Variants in PCIF1 observed in about 807,000 individuals in gnomAD.
PCIF1 encodes the protein phosphorylated CTD interacting factor 1.
A neutral mutation model predicts 86.9 loss-of-function variants in PCIF1; 12 were observed. That is an observed-to-expected ratio of 0.14 (90% confidence interval 0.09 to 0.22). The LOEUF (loss-of-function observed/expected upper bound fraction) is 0.22. PCIF1 is among the 10% of genes least tolerant of loss of function. The pLI, the probability that PCIF1 is intolerant of heterozygous loss-of-function variation, is 1.00. For missense variants in PCIF1, 701 were observed against 951.1 expected, an observed-to-expected ratio of 0.74 and a Z score of 3.46; for synonymous variants, 397 against 372.0, an observed-to-expected ratio of 1.07 and a Z score of -0.77.
intron 10 of PCIF1, among the ~76,000 whole-genome samples, chr20:45,944,359 C>G (rs2083502390): frequency 6.6e-6 from 1 of 152,214 alleles, no homozygotes; most frequent in Non-Finnish European, 1.5e-5. Flanking sequence ...CATTCTCACT[C>G]TTCAGTTTTA....
At chr20:45,939,885 C>G (rs1046698903) in intron 4 of PCIF1, among the ~76,000 whole-genome samples, 15 of 152,304 alleles carry the variant, frequency 9.8e-5, no homozygotes, top group African/African-American at 3.6e-4. Flanking sequence ...GGCAGCATTT[C>G]TTTACTGGGC....
Position 45,943,646 on chromosome 20 carries a change from G to A in PCIF1, c.906-20G>A. The A allele has an allele frequency of 6.4e-7, 1 of 1,551,378 alleles. No homozygotes were observed. Among genetic ancestry groups the A allele is most frequent in the East Asian group, 2.4e-5 (1 of 41,410 alleles). On this transcript the variant is annotated intron_variant, in intron 9 of 16. Transcript: ENST00000372409. The surrounding 1 kb of genome is among the most constrained non-coding windows in gnomAD (Gnocchi z 5.5). ...TGGAGCCAAGCCATTCCTTTCTTCT[G>A]CCCTCCCCTTGACTGGCAGGAGTGC...
chr20:45,944,684 C>T (rs1191621743), intron 10 of PCIF1, among the ~76,000 whole-genome samples, 184 bp from the exon 11 acceptor site: 2 of 152,232 alleles, frequency 1.3e-5, no homozygotes, highest in African/African-American at 2.4e-5. Flanking sequence ...TCTCGTGTCC[C>T]CTTGACACTT....
rs1183524109 is a variant in PCIF1 at position 45,943,050 on chromosome 20, G to A, written c.674-47G>A. On this transcript the variant is annotated intron_variant, in intron 7 of 16. Coordinates refer to ENST00000372409, the MANE Select transcript of PCIF1 (RefSeq NM_022104.4). This position sits in a 1 kb window ranked among gnomAD's most constrained non-coding sequence, Gnocchi z 5.5. ...CCTATACGTGCCAAGCTCCAAGTGG[G>A]ACTGCTTGATTAAATCCAGGCCTTC... 1 of 1,589,266 alleles carries A rather than the reference G, an allele frequency of 6.3e-7. No homozygotes were observed. Among genetic ancestry groups the A allele is most frequent in the African/African-American group, 1.3e-5 (1 of 74,558 alleles).
intron 2 of PCIF1, among the ~76,000 whole-genome samples, chr20:45,938,436 G>A (rs912621839): frequency 6.6e-6 from 1 of 152,154 alleles, no homozygotes; most frequent in Admixed American, 6.5e-5. Context: ...TGTAGGAATC[G>A]CTTCTCAAGG....
In PCIF1 at chr20:45,934,768, A is replaced by C. The variant is rs576532506; in HGVS notation, c.-224A>C. On this transcript the variant is annotated 5_prime_UTR_variant, in exon 1 of 17. Coordinates refer to ENST00000372409, the MANE Select transcript of PCIF1 (RefSeq NM_022104.4). ...GCGGCAAAACGGGCGGTCGAGCAGA[A>C]CGTGTAGCCGCGTCCCCTCCAGTCC... The C allele has an allele frequency of 5.5e-5, 22 of 398,458 alleles. 1 individual carries two copies. In the South Asian group the frequency reaches 1.9e-3, roughly 35 times the overall value. 24.7% of individuals were successfully genotyped at this position (398,458 alleles called of 1,614,324 possible). A position where few individuals can be genotyped will look rare whatever the true frequency, so the allele number is the denominator to read the frequency against.
intron 14 of PCIF1, 122 bp downstream of exon 14, chr20:45,946,506 C>T: frequency 8.5e-7 from 1 of 1,178,808 alleles, no homozygotes; most frequent in African/African-American, 1.5e-5. Flanking sequence ...CCACCTCTTA[C>T]CGGCTATGTG....
chr20:45,939,255 G>C lies in PCIF1; in HGVS notation c.165G>C (p.Arg55=), dbSNP rs765245058. 1.2e-5 allele frequency: 19 copies of C among 1,613,850 alleles called. No individual in the cohort carries two copies. Among genetic ancestry groups the C allele is most frequent in the Non-Finnish European group, 1.4e-5 (17 of 1,180,014 alleles). Residue 55 remains arginine (R), a synonymous_variant, in exon 4 of 17, where the codon CGG becomes CGC. Coordinates refer to ENST00000372409, the MANE Select transcript of PCIF1 (RefSeq NM_022104.4). ...CAGGCTGGGAGAAGTGCTGGAGCCGGAGGGAGAATCGTCCCTACTACTTCA... is the reference window on the plus strand; with the variant it reads ...CAGGCTGGGAGAAGTGCTGGAGCCGCAGGGAGAATCGTCCCTACTACTTCA... ...VHAGWEKCWS[R]RENRPYYFNR...
At chr20:45,936,688 T>A (rs189330837) in intron 1 of PCIF1, among the ~76,000 whole-genome samples, 89 of 151,884 alleles carry the variant, frequency 5.9e-4, no homozygotes, top group Non-Finnish European at 6.2e-4. Flanking sequence ...CCCAGCACTT[T>A]AGGAGGCCCA....
At chr20:45,944,368 T>TA (rs1468078622) in intron 10 of PCIF1, among the ~76,000 whole-genome samples, 4 of 152,352 alleles carry the variant, frequency 2.6e-5, no homozygotes, top group South Asian at 4.1e-4. Flanking sequence ...TCTTCAGTTT[T>TA]ACACGTGTGA....
rs148464921 is a variant in PCIF1 at position 45,943,230 on chromosome 20, C to T, written c.807C>T (p.Asn269=). The change falls in exon 8 of 17, where the codon AAC becomes AAT. Residue 269 remains asparagine, a synonymous_variant. Transcript: ENST00000372409. This position sits in a 1 kb window ranked among gnomAD's most constrained non-coding sequence, Gnocchi z 5.5. The part of the protein sequence containing the change: ...VSPSMFREIM[N]DIPIRLSRIK... ...CTTCCATGTTTCGTGAAATCATGAACGACATTCCTATCAGGTACAGCTCCA... is the reference window on the plus strand; with the variant it reads ...CTTCCATGTTTCGTGAAATCATGAATGACATTCCTATCAGGTACAGCTCCA... 331 of 1,614,026 alleles carry T rather than the reference C, an allele frequency of 2.1e-4. No individual in the cohort carries two copies. Among genetic ancestry groups the T allele is most frequent in the Non-Finnish European group, 2.7e-4 (314 of 1,180,040 alleles).
chr20:45,944,353 C>T (rs2083502318), intron 10 of PCIF1, among the ~76,000 whole-genome samples: 1 of 152,192 alleles, frequency 6.6e-6, no homozygotes, highest in East Asian at 1.9e-4. Context: ...GTGACTCATT[C>T]TCACTCTTCA....
chr20:45,943,044 A>G lies in PCIF1; in HGVS notation c.674-53A>G. 6.3e-7 allele frequency: 1 copy of G among 1,576,576 alleles called. No individual in the cohort carries two copies. The highest frequency in any genetic ancestry group is 2.2e-5 in the East Asian group (1 of 44,510). On this transcript the variant is annotated intron_variant, in intron 7 of 16. Transcript: ENST00000372409. This position sits in a 1 kb window ranked among gnomAD's most constrained non-coding sequence, Gnocchi z 5.5. ...ATGCTTCCTATACGTGCCAAGCTCC[A>G]AGTGGGACTGCTTGATTAAATCCAG... is the stretch of plus-strand genomic sequence containing the variant.
rs550299202 is a variant in PCIF1 at position 45,939,811 on chromosome 20, C to T, written c.249+472C>T. Among the ~76,000 whole-genome samples the T allele has an allele frequency of 5.9e-5, 9 of 152,218 alleles. No individual in the cohort carries two copies. The South Asian group carries it at 1.0e-3, about 18-fold the overall frequency. ...CATTCTAGGATCTGACATGTCAGTA[C>T]GACGGGAAGTACAGGCATGGGCTGT... is the stretch of plus-strand genomic sequence containing the variant. On this transcript the variant is annotated intron_variant, in intron 4 of 16. Transcript: ENST00000372409.
At position 45,947,290 on chromosome 20, in the gene PCIF1, C is replaced by T. The variant is rs2083538517; in HGVS notation, c.1735C>T (p.Leu579=). The T allele has an allele frequency of 6.2e-7, 1 of 1,613,802 alleles. No homozygotes were observed. Among genetic ancestry groups the T allele is most frequent in the Non-Finnish European group, 8.5e-7 (1 of 1,179,772 alleles). The change falls in exon 16 of 17, where the codon CTG becomes TTG. Residue 579 remains leucine (L), a synonymous_variant. Transcript: ENST00000372409. This position sits in a 1 kb window ranked among gnomAD's most constrained non-coding sequence, Gnocchi z 5.4. The stretch of plus-strand genomic sequence containing the variant: ...ACTGCTTGAGAGCTCACCGGAGCCC[C>T]TGTCCTTCATCGTGTTCATCCCTGA... ...ERLLESSPEP[L]SFIVFIPEWR... is the part of the protein sequence containing the mutation.
At chr20:45,938,305 G>A (rs776454328) in intron 2 of PCIF1, among the ~76,000 whole-genome samples, 2 of 152,232 alleles carry the variant, frequency 1.3e-5, no homozygotes, top group Non-Finnish European at 2.9e-5. Flanking sequence ...GCCATGTAGT[G>A]TAAAATAAGG....
intron 10 of PCIF1, among the ~76,000 whole-genome samples, chr20:45,944,198 ACTT>A (rs1183907936): frequency 1.3e-5 from 2 of 152,060 alleles, no homozygotes; most frequent in Non-Finnish European, 2.9e-5. Context: ...AAAACCTATC[ACTT>A]CTTAAACCTC....
Position 45,939,037 on chromosome 20 carries a change from C to A in PCIF1, c.38C>A (p.Ala13Glu). 6.2e-7 allele frequency: 1 copy of A among 1,613,978 alleles called. No individual in the cohort carries two copies. The highest frequency in any genetic ancestry group is 1.1e-5 in the South Asian group (1 of 91,070). Residue 13 changes from alanine to glutamate, a missense_variant, in exon 3 of 17, where the codon GCG (alanine) becomes GAG (glutamate). Physicochemically the swap from Ala to Glu is moderately radical, Grantham distance 107. Coordinates refer to ENST00000372409, the MANE Select transcript of PCIF1 (RefSeq NM_022104.4). ...NENHGSPREE[A>E]SLLSHSPGTS... is the part of the protein sequence containing the mutation. ...AATCACGGCAGCCCCCGGGAGGAAG[C>A]GTCCCTGCTGAGTCACTCCCCAGGT...
At position 45,937,544 on chromosome 20, in the gene PCIF1, G is replaced by C. The variant is rs2083437085; in HGVS notation, c.-61G>C. The C allele has an allele frequency of 2.5e-6, 1 of 398,938 alleles. No individual in the cohort carries two copies. The allele number at this position is 398,938 out of a possible 1,614,324, so 24.7% of individuals were successfully genotyped here. The stretch of plus-strand genomic sequence containing the variant: ...GACCCTGTGGGGGTCCATCCGGCTG[G>C]AGAAGAAAAGCCTCTCATGCTAACG... On this transcript the variant is annotated 5_prime_UTR_variant, in exon 2 of 17. Transcript: ENST00000372409.
Sources: gnomAD v4.1 joint callset for allele counts (sites outside exome capture counted in the v4.1 genomes callset) on GRCh38, gnomAD v4.1.1 for gene constraint, Gnocchi (gnomAD v3.1) non-coding constraint, MANE v1.5 for transcripts, NCBI Gene and HGNC (gene_info 2026-07-23, HGNC 2026-07-21) for gene names.